SLC6A5: variants seen among roughly 807,000 people sequenced by gnomAD.
SLC6A5 encodes the protein solute carrier family 6 member 5.
In SLC6A5, 58 loss-of-function variants were observed where a neutral mutation model predicts 90.5. The observed-to-expected ratio is 0.64, with a 90% CI of 0.52 to 0.80. SLC6A5 has a LOEUF of 0.80. Among genes scored for constraint, SLC6A5 ranks in the 30% least tolerant of loss-of-function variants. The probability of loss-of-function intolerance (pLI) is 0.00; values close to 1 mark genes in which losing one functional copy is unlikely to be tolerated. For synonymous variants in SLC6A5, 427 were observed against 401.4 expected, an observed-to-expected ratio of 1.06 and a Z score of -0.76; for missense variants, 1,015 against 1,017.6, an observed-to-expected ratio of 1.00 and a Z score of 0.03.
chr11:20,630,603 ATG>A, intron 9 of SLC6A5, 86 bp from the exon 10 acceptor site: 2 of 977,476 alleles, frequency 2.0e-6, no homozygotes, highest in Non-Finnish European at 3.1e-6. Context: ...GCAGACAAAC[ATG>A]TGGGCACACA....
At position 20,614,669 on chromosome 11, in the gene SLC6A5, T is replaced by A; in HGVS notation, c.986-10T>A. 5 of 1,612,810 alleles carry A rather than the reference T, an allele frequency of 3.1e-6. No homozygotes were observed. The highest frequency in any genetic ancestry group is 4.2e-6 in the Non-Finnish European group (5 of 1,178,738). On this transcript the variant is annotated splice_polypyrimidine_tract_variant and intron_variant, in intron 5 of 15. Transcript: ENST00000525748. ...TTAACTGTGTTTCTATTCTGTCCTC[T>A]CCTAAACAGATTCCTGTGTTATCAG...
chr11:20,619,048 A>G (rs1449287702), intron 7 of SLC6A5, among the ~76,000 whole-genome samples: 2 of 152,130 alleles, frequency 1.3e-5, no homozygotes, highest in Non-Finnish European at 2.9e-5. Context: ...TTACGCCAGG[A>G]GGTATTTGCA....
At chr11:20,603,314 T>C (rs1028428784) in intron 2 of SLC6A5, among the ~76,000 whole-genome samples, 3 of 152,128 alleles carry the variant, frequency 2.0e-5, no homozygotes, top group Admixed American at 6.5e-5. Flanking sequence ...TTTGGGGTGG[T>C]CTCCCCCCAT....
At position 20,658,606 on chromosome 11, in the gene SLC6A5, T is replaced by G. The variant is rs1450973381; in HGVS notation, c.*3738T>G. 1 of 152,170 alleles carries G rather than the reference T, an allele frequency of 6.6e-6. No individual in the cohort carries two copies. The highest frequency in any genetic ancestry group is 6.5e-5 in the Admixed American group (1 of 15,274). The allele number at this position is 152,170 out of a possible 1,614,324, so 9.4% of individuals were successfully genotyped here. On this transcript the variant is annotated 3_prime_UTR_variant, in exon 16 of 16. Transcript: ENST00000525748. ...TGAAGCTTCCTATCTTTCCCAGATT[T>G]TGCTTTAATTGCCCAGAAAGGCCAA...
chr11:20,602,804 G>C (rs573131615), intron 2 of SLC6A5, among the ~76,000 whole-genome samples: 1 of 152,158 alleles, frequency 6.6e-6, no homozygotes, highest in Admixed American at 6.5e-5. Context: ...CTTTCCTTTC[G>C]GGGTCCACAT....
chr11:20,630,568 C>T lies in SLC6A5; in HGVS notation c.1500-123C>T, dbSNP rs116701604. ...AGGGAGCCTGTGGTTAGGACATGAA[C>T]GTACACGTATATGCCTACACATGTG... On this transcript the variant is annotated intron_variant, in intron 9 of 15. Transcript: ENST00000525748. The T allele has an allele frequency of 3.9e-4, 453 of 1,149,762 alleles. 2 individuals carry two copies. In the African/African-American group the frequency reaches 5.7e-3, roughly 15 times the overall value. The allele number at this position is 1,149,762 out of a possible 1,614,324, so 71.2% of individuals were successfully genotyped here.
chr11:20,652,342 C>G lies in SLC6A5; in HGVS notation c.2124C>G (p.Tyr708Ter). The change falls in exon 15 of 16, where the codon TAC becomes TAG. Residue 708 changes from tyrosine to a stop codon, truncating the protein, a stop_gained. Coordinates refer to ENST00000525748, the MANE Select transcript of SLC6A5 (RefSeq NM_004211.5). LOFTEE classifies it high-confidence loss of function. The stretch of plus-strand genomic sequence containing the variant: ...GGGAGCCCATGACCTATGGCTCTTA[C>G]CGCTATCCTAACTGGTCCATGGTGC... ...YQWEPMTYGS[Y>*]RYPNWSMVLG... The G allele has an allele frequency of 6.2e-7, 1 of 1,614,134 alleles. No individual in the cohort carries two copies. Among genetic ancestry groups the G allele is most frequent in the Non-Finnish European group, 8.5e-7 (1 of 1,179,996 alleles).
intron 5 of SLC6A5, among the ~76,000 whole-genome samples, chr11:20,610,461 G>A (rs1237959917): frequency 3.3e-5 from 5 of 152,240 alleles, no homozygotes; most frequent in Non-Finnish European, 2.9e-5. Flanking sequence ...GGCTGCCTGC[G>A]TGCTTCACAA....
intron 13 of SLC6A5, among the ~76,000 whole-genome samples, chr11:20,639,419 A>T (rs972575301): frequency 5.3e-5 from 8 of 152,160 alleles, no homozygotes; most frequent in African/African-American, 1.9e-4. Flanking sequence ...TCAGATCCCA[A>T]AAGAGACAGC....
intron 1 of SLC6A5, among the ~76,000 whole-genome samples, chr11:20,599,963 G>A (rs1188927994): frequency 1.3e-5 from 2 of 152,166 alleles, no homozygotes; most frequent in Admixed American, 6.5e-5. Context: ...ACAGAGGCGA[G>A]TTGCTCTGGG....
At chr11:20,649,865 C>T (rs1853490077) in intron 14 of SLC6A5, among the ~76,000 whole-genome samples, 1 of 152,156 alleles carries the variant, frequency 6.6e-6, no homozygotes, top group African/African-American at 2.4e-5. Flanking sequence ...GTTTATAACT[C>T]TAGGGACAAA....
At chr11:20,645,158 G>A (rs11605050) in intron 13 of SLC6A5, among the ~76,000 whole-genome samples, 46,745 of 151,710 alleles carry the variant, frequency 0.31, 7,415 homozygotes, top group Non-Finnish European at 0.37. Context: ...ATTCCATTCT[G>A]CAGAAGGAAA....
In SLC6A5 at chr11:20,600,409, A is replaced by G. The variant is rs371589269; in HGVS notation, c.4-720A>G. ...GAAGAAGAAGAAGAAGAAGAAGAAGAAGACCTAAACAAAAGAACAAAAAGC... is the reference window on the plus strand; with the variant it reads ...GAAGAAGAAGAAGAAGAAGAAGAAGGAGACCTAAACAAAAGAACAAAAAGC... On this transcript the variant is annotated intron_variant, in intron 1 of 15. Coordinates refer to ENST00000525748, the MANE Select transcript of SLC6A5 (RefSeq NM_004211.5). Among the ~76,000 whole-genome samples, 63 of 147,710 alleles carry G rather than the reference A, an allele frequency of 4.3e-4. No homozygotes were observed. In the East Asian group the frequency reaches 6.9e-3, roughly 16 times the overall value.
At position 20,638,511 on chromosome 11, in the gene SLC6A5, T is replaced by C. The variant is rs2133810797; in HGVS notation, c.1922T>C (p.Leu641Pro). The change falls in exon 13 of 16, where the codon CTT becomes CCT. Residue 641 changes from leucine to proline, a missense_variant. Physicochemically the swap from Leu to Pro is moderately conservative, Grantham distance 98. Transcript: ENST00000525748. ...GACACCTATGCTGCCTCCTATGCCC[T>C]TGTCATCATTGCCATTTTTGAGCTC... Reference protein sequence around the residue: ...LVDTYAASYALVIIAIFELVG... With the variant: ...LVDTYAASYAPVIIAIFELVG... 1 of 1,613,502 alleles carries C rather than the reference T, an allele frequency of 6.2e-7. No individual in the cohort carries two copies. The highest frequency in any genetic ancestry group is 8.5e-7 in the Non-Finnish European group (1 of 1,179,452).
At chr11:20,630,654 G>A in intron 9 of SLC6A5, 37 bp from the exon 10 acceptor site, 1 of 1,613,658 alleles carries the variant, frequency 6.2e-7, no homozygotes, top group East Asian at 2.2e-5. Flanking sequence ...CACTCACCAA[G>A]CACACCTAAT....
At chr11:20,604,460 C>A in intron 3 of SLC6A5, 36 bp downstream of exon 3, 3 of 1,528,720 alleles carry the variant, frequency 2.0e-6, no homozygotes, top group Non-Finnish European at 1.8e-6. Flanking sequence ...TGCGGCGGGG[C>A]GGGGCGGGCA....
intron 2 of SLC6A5, among the ~76,000 whole-genome samples, chr11:20,603,608 G>A (rs1394891332): frequency 6.6e-6 from 1 of 152,096 alleles, no homozygotes; most frequent in Non-Finnish European, 1.5e-5. Context: ...TTGTTTGTTT[G>A]TTTTCCGTCT....
At chr11:20,639,970 G>A (rs1483397262) in intron 13 of SLC6A5, among the ~76,000 whole-genome samples, 1 of 152,208 alleles carries the variant, frequency 6.6e-6, no homozygotes, top group Non-Finnish European at 1.5e-5. Flanking sequence ...TTGAAGACCT[G>A]CTGTCGGAGT....
chr11:20,638,605 G>C (rs1350218541), intron 13 of SLC6A5, 47 bp downstream of exon 13: 8 of 1,102,650 alleles, frequency 7.3e-6, no homozygotes, highest in African/African-American at 1.5e-5. Context: ...TTGAGTGTCG[G>C]TAAGGCATTC....
Sources: allele counts gnomAD v4.1 joint callset (sites outside exome capture counted in the v4.1 genomes callset), GRCh38; gene constraint gnomAD v4.1.1; transcripts MANE v1.5; gene names NCBI Gene and HGNC (gene_info 2026-07-23, HGNC 2026-07-21).